The following CELSR3 variants were observed in gnomAD, a reference collection of about 807,000 sequenced individuals.
CELSR3 encodes cadherin EGF LAG seven-pass G-type receptor 3.
In CELSR3, 73 loss-of-function variants were observed where a neutral mutation model predicts 270.0. The observed-to-expected ratio is 0.27, with a 90% CI of 0.22 to 0.33. The LOEUF is 0.33. Among genes scored for constraint, CELSR3 ranks in the 10% least tolerant of loss-of-function variants. The probability of loss-of-function intolerance (pLI) is 1.00; values close to 1 mark genes in which losing one functional copy is unlikely to be tolerated. For missense variants in CELSR3, 3,614 were observed against 4,533.8 expected (o/e 0.80, Z 5.83); for synonymous variants, 1,780 against 1,905.4 (o/e 0.93, Z 1.71).
In CELSR3 at chr3:48,660,825, C is replaced by T; in HGVS notation, c.1810G>A (p.Val604Met). ...AIDSLTGEIQ[V>M]VAPLDFEAER... Reference sequence around the variant, plus strand: ...GCCTCGAAGTCCAGAGGTGCCACCACCTGGATCTCGCCAGTGAGGCTGTCG... The same window carrying T: ...GCCTCGAAGTCCAGAGGTGCCACCATCTGGATCTCGCCAGTGAGGCTGTCG... The change falls in exon 1 of 35, where the codon GTG becomes ATG. Residue 604 changes from valine to methionine, a missense_variant. Physicochemically the swap from Val to Met is conservative, Grantham distance 21 (BLOSUM62 1). This residue lies in a region of CELSR3 where 354 missense variants were observed against 500.9 expected (regional missense o/e 0.71). Coordinates refer to ENST00000164024, the MANE Select transcript of CELSR3 (RefSeq NM_001407.3). The surrounding 1 kb of genome is among the most constrained non-coding windows in gnomAD (Gnocchi z 5.5). 6.2e-7 allele frequency: 1 copy of T among 1,614,080 alleles called. No homozygotes were observed. Among genetic ancestry groups the T allele is most frequent in the Non-Finnish European group, 8.5e-7 (1 of 1,180,016 alleles).
rs2047144306 is a variant in CELSR3 at position 48,652,301 on chromosome 3, C to T, written c.5751+136G>A. The T allele has an allele frequency of 2.5e-6, 2 of 800,086 alleles. No individual in the cohort carries two copies. Among genetic ancestry groups the T allele is most frequent in the Non-Finnish European group, 4.2e-6 (2 of 473,606 alleles). 49.6% of individuals were successfully genotyped at this position (800,086 alleles called of 1,614,324 possible). On this transcript the variant is annotated intron_variant, in intron 11 of 34. Coordinates refer to ENST00000164024, the MANE Select transcript of CELSR3 (RefSeq NM_001407.3). This position sits in a 1 kb window ranked among gnomAD's most constrained non-coding sequence, Gnocchi z 4.3. ...CCTCCAATGCCACAGAAAGGCTTGA[C>T]CTAGCTCTCAACTCTGGGTCATTCA...
rs925312553 is a variant in CELSR3, at chr3:48,658,443, G to C, written c.3748+444C>G. ...CCTGAAGCTTCCATAGTAAGCTGCT[G>C]TTCCTGACCACTCAAGTATTGGTCA... On this transcript the variant is annotated intron_variant, in intron 1 of 34. Transcript: ENST00000164024. This position sits in a 1 kb window ranked among gnomAD's most constrained non-coding sequence, Gnocchi z 4.7. Among the ~76,000 whole-genome samples the C allele has an allele frequency of 6.6e-6, 1 of 152,204 alleles. No individual in the cohort carries two copies. Among genetic ancestry groups the C allele is most frequent in the East Asian group, 1.9e-4 (1 of 5,206 alleles).
rs1157268099 is a variant in CELSR3 at position 48,653,588 on chromosome 3, G to A, written c.5448+31C>T. 1.3e-6 allele frequency: 2 copies of A among 1,599,876 alleles called. No homozygotes were observed. The highest frequency in any genetic ancestry group is 1.7e-5 in the Admixed American group (1 of 59,456). ...GTGGCGGCCTAAGAGACTGAGAACTGAGGGTATAGGGGTGAGCAGGGTGGA... is the reference window on the plus strand; with the variant it reads ...GTGGCGGCCTAAGAGACTGAGAACTAAGGGTATAGGGGTGAGCAGGGTGGA... On this transcript the variant is annotated intron_variant, in intron 9 of 34. Coordinates refer to ENST00000164024, the MANE Select transcript of CELSR3 (RefSeq NM_001407.3). The surrounding 1 kb of genome is among the most constrained non-coding windows in gnomAD (Gnocchi z 6.5).
chr3:48,650,221 A>G lies in CELSR3; in HGVS notation c.6472+259T>C. 1 of 599,320 alleles carries G rather than the reference A, an allele frequency of 1.7e-6. No homozygotes were observed. 37.1% of individuals were successfully genotyped at this position (599,320 alleles called of 1,614,324 possible). ...CCTCAGGCAGCAGGAGGGGTCTGCA[A>G]AAGCTCTGGTAGTGGGAGGGGGCAG... On this transcript the variant is annotated intron_variant, in intron 16 of 34. Transcript: ENST00000164024. This position sits in a 1 kb window ranked among gnomAD's most constrained non-coding sequence, Gnocchi z 5.1.
At position 48,644,076 on chromosome 3, in the gene CELSR3, G is replaced by C. The variant is rs1435238981; in HGVS notation, c.8165+140C>G. On this transcript the variant is annotated intron_variant, in intron 27 of 34. Coordinates refer to ENST00000164024, the MANE Select transcript of CELSR3 (RefSeq NM_001407.3). The surrounding 1 kb of genome is among the most constrained non-coding windows in gnomAD (Gnocchi z 4.8). ...GCGAGGGCGCCAGAGAGGGACCACAGGTCAGGGCAGGTGTGACTTCATTCC... is the reference window on the plus strand; with the variant it reads ...GCGAGGGCGCCAGAGAGGGACCACACGTCAGGGCAGGTGTGACTTCATTCC... 5.9e-6 allele frequency: 4 copies of C among 677,200 alleles called. No individual in the cohort carries two copies. The highest frequency in any genetic ancestry group is 1.0e-5 in the Non-Finnish European group (4 of 387,290). The allele number at this position is 677,200 out of a possible 1,614,324, so 41.9% of individuals were successfully genotyped here.
Position 48,652,366 on chromosome 3 carries a change from G to A in CELSR3, c.5751+71C>T. On this transcript the variant is annotated intron_variant, in intron 11 of 34. Coordinates refer to ENST00000164024, the MANE Select transcript of CELSR3 (RefSeq NM_001407.3). This position sits in a 1 kb window ranked among gnomAD's most constrained non-coding sequence, Gnocchi z 4.3. ...CCCCCACTTGAATACTGCCTTTCAG[G>A]TCCCAAGGAGCCCCTGACTTCTGAC... 8.1e-7 allele frequency: 1 copy of A among 1,238,530 alleles called. No individual in the cohort carries two copies. The highest frequency in any genetic ancestry group is 1.2e-6 in the Non-Finnish European group (1 of 839,208). 76.7% of individuals were successfully genotyped at this position (1,238,530 alleles called of 1,614,324 possible).
rs3733088 is a variant in CELSR3 at position 48,662,046 on chromosome 3, T to C, written c.589A>G (p.Lys197Glu). 4.5e-5 allele frequency: 73 copies of C among 1,613,978 alleles called. No individual in the cohort carries two copies. The East Asian group carries it at 1.6e-3, about 35-fold the overall frequency. ...SQRNAGTGSRKRVGTARCCGE... is the reference protein window; with the variant it reads ...SQRNAGTGSRERVGTARCCGE... ...CAGCAGCGCGCGGTGCCCACTCTTT[T>C]GCGGGAGCCTGTCCCAGCGTTCCGC... The change falls in exon 1 of 35, where the codon AAA becomes GAA. Residue 197 changes from lysine (K) to glutamate (E), a missense_variant. By Grantham distance (56) the Lys-to-Glu change is moderately conservative (BLOSUM62 1). Transcript: ENST00000164024. This position sits in a 1 kb window ranked among gnomAD's most constrained non-coding sequence, Gnocchi z 7.1.
chr3:48,662,350 G>A lies in CELSR3; in HGVS notation c.285C>T (p.Ala95=), dbSNP rs1205740667. 2.5e-6 allele frequency: 4 copies of A among 1,612,892 alleles called. No individual in the cohort carries two copies. The highest frequency in any genetic ancestry group is 1.7e-5 in the Admixed American group (1 of 60,006). The part of the protein sequence containing the change: ...FVGLRGRRQS[A]RNSRGPPEQP... Reference sequence around the variant, plus strand: ...GCTCAGGGGGCCCTCGACTATTCCGGGCGCTTTGCCTTCTCCCTCGGAGCC... The same window carrying A: ...GCTCAGGGGGCCCTCGACTATTCCGAGCGCTTTGCCTTCTCCCTCGGAGCC... The change falls in exon 1 of 35, where the codon GCC becomes GCT. Residue 95 remains alanine (A), a synonymous_variant. Coordinates refer to ENST00000164024, the MANE Select transcript of CELSR3 (RefSeq NM_001407.3). The surrounding 1 kb of genome is among the most constrained non-coding windows in gnomAD (Gnocchi z 7.1).
Position 48,656,151 on chromosome 3 carries a change from C to T in CELSR3, c.4614G>A (p.Thr1538=). Residue 1538 remains threonine, a synonymous_variant, in exon 3 of 35, where the codon ACG becomes ACA. Transcript: ENST00000164024. ...GGGCGGGCACCTACGAGAGGGACAG[C>T]GTAAGGTGGAATCGCTGCCGCAGGC... The part of the protein sequence containing the change: ...FRGLRQRFHL[T]LSLSFATVQQ... The T allele has an allele frequency of 6.5e-7, 1 of 1,536,250 alleles. No individual in the cohort carries two copies.
rs1575538203 is a variant in CELSR3, at chr3:48,642,003, T to G, written c.8672A>C (p.Asp2891Ala). The stretch of plus-strand genomic sequence containing the variant: ...GGACAGGTCACTGTCAGAGTCGGAG[T>G]CTGCGCCTGGAGTTGGGAAAGTCAG... ...VAMFHRDAGA[D>A]SDSDSDLSLE... Residue 2891 changes from aspartate to alanine, a missense_variant, in exon 32 of 35, where the codon GAC becomes GCC. Transcript: ENST00000164024. This position sits in a 1 kb window ranked among gnomAD's most constrained non-coding sequence, Gnocchi z 6.1. 1.3e-6 allele frequency: 2 copies of G among 1,531,902 alleles called. No homozygotes were observed. The highest frequency in any genetic ancestry group is 4.7e-5 in the East Asian group (2 of 42,880). 94.9% of individuals were successfully genotyped at this position (1,531,902 alleles called of 1,614,324 possible). A position where few individuals can be genotyped will look rare whatever the true frequency, so the allele number is the denominator to read the frequency against.
In CELSR3 at chr3:48,643,498, C is replaced by G. The variant is rs764264869; in HGVS notation, c.8289+56G>C. The G allele has an allele frequency of 1.2e-4, 191 of 1,533,926 alleles. 1 individual carries two copies. The highest frequency in any genetic ancestry group is 1.5e-4 in the Non-Finnish European group (174 of 1,137,976). ...GGGTCAACGTCTGCCTAGGGATGGC[C>G]CCAGCCTACTGAAGGCCCACCTGGT... On this transcript the variant is annotated intron_variant, in intron 28 of 34. Coordinates refer to ENST00000164024, the MANE Select transcript of CELSR3 (RefSeq NM_001407.3).
At chr3:48,643,441 A>G in intron 28 of CELSR3, 113 bp downstream of exon 28, 1 of 1,405,558 alleles carries the variant, frequency 7.1e-7, no homozygotes, top group East Asian at 2.5e-5. Flanking sequence ...CAGCCTGGCA[A>G]AGTTATCCAG....
In CELSR3 at chr3:48,639,894, C is replaced by T; in HGVS notation, c.9691G>A (p.Val3231Ile). The change falls in exon 34 of 35, where the codon GTC (valine) becomes ATC (isoleucine). Residue 3231 changes from valine (V) to isoleucine (I), a missense_variant. By Grantham distance (29) the Val-to-Ile change is conservative. Around this residue, in one of 7 missense-constraint regions of CELSR3, gnomAD observed 1,240 missense variants for 1,351.7 expected, o/e 0.92. Coordinates refer to ENST00000164024, the MANE Select transcript of CELSR3 (RefSeq NM_001407.3). The surrounding 1 kb of genome is among the most constrained non-coding windows in gnomAD (Gnocchi z 4.1). ...PQLLRAREDS[V>I]SGPSHGPSTE... The stretch of plus-strand genomic sequence containing the variant: ...GAGGGGCCATGGCTGGGGCCACTGA[C>T]CGAGTCCTCCCTAGCTCTGAGCAGC... The T allele has an allele frequency of 1.2e-6, 2 of 1,613,246 alleles. No individual in the cohort carries two copies. The highest frequency in any genetic ancestry group is 1.7e-6 in the Non-Finnish European group (2 of 1,180,006).
At position 48,646,979 on chromosome 3, in the gene CELSR3, C is replaced by A; in HGVS notation, c.7130-51G>T. Reference sequence around the variant, plus strand: ...TGTCAGTGACCTTTGACCCAAAGCACCCACCAACCCAGCTCTGAACCCGAT... The same window carrying A: ...TGTCAGTGACCTTTGACCCAAAGCAACCACCAACCCAGCTCTGAACCCGAT... On this transcript the variant is annotated intron_variant, in intron 20 of 34. Transcript: ENST00000164024. The surrounding 1 kb of genome is among the most constrained non-coding windows in gnomAD (Gnocchi z 4.8). 6.9e-7 allele frequency: 1 copy of A among 1,454,280 alleles called. No homozygotes were observed. The highest frequency in any genetic ancestry group is 9.1e-7 in the Non-Finnish European group (1 of 1,100,766). The allele number at this position is 1,454,280 out of a possible 1,614,324, so 90.1% of individuals were successfully genotyped here.
Position 48,651,994 on chromosome 3 carries a change from G to C in CELSR3, c.5806C>G (p.His1936Asp), listed in dbSNP as rs1305381748. ...CAGCCAGGCTCCGCATTCACTCGGT[G>C]GCTGGGGGGTAGCAGGGCCGGGGAG... is the stretch of plus-strand genomic sequence containing the variant. ...SGSPALLPPS[H>D]RVNAEPGCVV... The change falls in exon 12 of 35, where the codon CAC becomes GAC. Residue 1936 changes from histidine to aspartate, a missense_variant. By Grantham distance (81) the His-to-Asp change is moderately conservative. Transcript: ENST00000164024. The surrounding 1 kb of genome is among the most constrained non-coding windows in gnomAD (Gnocchi z 7.4). The C allele has an allele frequency of 6.3e-7, 1 of 1,590,704 alleles. No homozygotes were observed. The highest frequency in any genetic ancestry group is 1.8e-5 in the Admixed American group (1 of 55,082).
At position 48,656,506 on chromosome 3, in the gene CELSR3, G is replaced by GC. The variant is rs905183263; in HGVS notation, c.4400-142dup. 16 of 1,126,462 alleles carry GC rather than the reference G, an allele frequency of 1.4e-5. No individual in the cohort carries two copies. The African/African-American group carries it at 2.1e-4, about 15-fold the overall frequency. The allele number at this position is 1,126,462 out of a possible 1,614,324, so 69.8% of individuals were successfully genotyped here. On this transcript the variant is annotated intron_variant, in intron 2 of 34. Coordinates refer to ENST00000164024, the MANE Select transcript of CELSR3 (RefSeq NM_001407.3). ...TCGGTGGACACGCCCCTTCCGTCTG[G>GC]CCCCGCCCCCTCCCCAGTCTCATCG...
Position 48,656,863 on chromosome 3 carries a change from G to A in CELSR3, c.4234C>T (p.Pro1412Ser). 1 of 1,609,948 alleles carries A rather than the reference G, an allele frequency of 6.2e-7. No individual in the cohort carries two copies. Among genetic ancestry groups the A allele is most frequent in the Non-Finnish European group, 8.5e-7 (1 of 1,178,158 alleles). ...FLASASTLFR[P>S]IQPIAGLRCR... ...CGCAGGCCAGCGATGGGCTGGATGG[G>A]TCGGAACAGCGTGGAGGCCGAGGCC... is the stretch of plus-strand genomic sequence containing the variant. Residue 1412 changes from proline (P) to serine (S), a missense_variant, in exon 2 of 35, where the codon CCC (proline) becomes TCC (serine). Physicochemically the swap from Pro to Ser is moderately conservative, Grantham distance 74. Around this residue, in one of 7 missense-constraint regions of CELSR3, gnomAD observed 1,331 missense variants for 1,933.7 expected, o/e 0.69. Transcript: ENST00000164024.
At position 48,662,430 on chromosome 3, in the gene CELSR3, C is replaced by T. The variant is rs746103293; in HGVS notation, c.205G>A (p.Gly69Arg). The change falls in exon 1 of 35, where the codon GGG (glycine) becomes AGG (arginine). Residue 69 changes from glycine to arginine, a missense_variant. Gly to Arg is a moderately radical substitution (Grantham distance 125). Around this residue, in one of 7 missense-constraint regions of CELSR3, gnomAD observed 470 missense variants for 469.7 expected, o/e 1.00. Coordinates refer to ENST00000164024, the MANE Select transcript of CELSR3 (RefSeq NM_001407.3). This position sits in a 1 kb window ranked among gnomAD's most constrained non-coding sequence, Gnocchi z 7.1. The part of the protein sequence containing the change: ...GALALCPESS[G>R]VREDGGPGLG... ...CCAGGCCCCCCATCCTCCCGGACCC[C>T]GGAAGACTCCGGACAAAGAGCTAAG... 1 of 1,612,778 alleles carries T rather than the reference C, an allele frequency of 6.2e-7. No homozygotes were observed. The highest frequency in any genetic ancestry group is 8.5e-7 in the Non-Finnish European group (1 of 1,179,874).
At position 48,637,917 on chromosome 3, in the gene CELSR3, T is replaced by A; in HGVS notation, c.*288A>T. 29 of 277,952 alleles carry A rather than the reference T, an allele frequency of 1.0e-4. No individual in the cohort carries two copies. Among genetic ancestry groups the A allele is most frequent in the Middle Eastern group, 1.1e-3 (1 of 910 alleles). The allele number at this position is 277,952 out of a possible 1,614,324, so 17.2% of individuals were successfully genotyped here. On this transcript the variant is annotated 3_prime_UTR_variant, in exon 35 of 35. Transcript: ENST00000164024. Reference sequence around the variant, plus strand: ...TCTCCCTCCCCCTCCCAGCCCAGCCTCAAACCCCCCAGGAGACAGAAAAGC... The same window carrying A: ...TCTCCCTCCCCCTCCCAGCCCAGCCACAAACCCCCCAGGAGACAGAAAAGC...
Sources: gnomAD v4.1 joint callset for allele counts (sites outside exome capture counted in the v4.1 genomes callset) on GRCh38, gnomAD v4.1.1 for gene constraint, gnomAD v4.1.1 regional missense constraint, Gnocchi (gnomAD v3.1) non-coding constraint, MANE v1.5 for transcripts, NCBI Gene and HGNC (gene_info 2026-07-23, HGNC 2026-07-21) for gene names.